SPINK13: variants seen among roughly 807,000 people sequenced by gnomAD.
SPINK13 encodes the protein serine peptidase inhibitor Kazal type 13.
In SPINK13, 11 loss-of-function variants were observed where a neutral mutation model predicts 11.0. The observed-to-expected ratio is 1.00, with a 90% confidence interval of 0.63 to 1.65. The LOEUF (loss-of-function observed/expected upper bound fraction) is 1.65. Among genes scored for constraint, SPINK13 ranks in the 40% most tolerant of loss-of-function variants. The pLI, the probability that SPINK13 is intolerant of heterozygous loss-of-function variation, is 0.00. For missense variants in SPINK13, 113 were observed against 117.7 expected (o/e 0.96, Z 0.19); for synonymous variants, 31 against 35.6 (o/e 0.87, Z 0.46).
At chr5:148,272,223 A>C (rs1237741940) in intron 2 of SPINK13, among the ~76,000 whole-genome samples, 2 of 152,176 alleles carry the variant, frequency 1.3e-5, no homozygotes, top group Non-Finnish European at 2.9e-5. Context: ...AGTTTCTCTT[A>C]GGTATATATC....
At chr5:148,280,211 C>G (rs1000613200) in intron 3 of SPINK13, among the ~76,000 whole-genome samples, 2 of 152,074 alleles carry the variant, frequency 1.3e-5, no homozygotes, top group Non-Finnish European at 2.9e-5. Flanking sequence ...TCTTAGCTTT[C>G]TTGCTTTGGG....
In SPINK13 at chr5:148,280,052, C is replaced by A. The variant is rs141812614; in HGVS notation, c.109-2052C>A. On this transcript the variant is annotated intron_variant, in intron 3 of 4. Coordinates refer to ENST00000398450, the MANE Select transcript of SPINK13 (RefSeq NM_001040129.3). ...TAAGTTGATCTTCAATCTCTGATATCCTTTCTTTTGCTTGATTGATTTGGC... is the reference window on the plus strand; with the variant it reads ...TAAGTTGATCTTCAATCTCTGATATACTTTCTTTTGCTTGATTGATTTGGC... Among the ~76,000 whole-genome samples the A allele has an allele frequency of 1.3e-4, 20 of 152,112 alleles. 1 individual carries two copies. In the East Asian group the frequency reaches 3.9e-3, roughly 30 times the overall value.
At chr5:148,277,257 A>G (rs571619499) in intron 3 of SPINK13, among the ~76,000 whole-genome samples, 3 of 152,300 alleles carry the variant, frequency 2.0e-5, no homozygotes, top group African/African-American at 7.2e-5. Flanking sequence ...TCCTATTTGA[A>G]TACACTTTAT....
intron 3 of SPINK13, among the ~76,000 whole-genome samples, chr5:148,278,012 G>C (rs1222910941): frequency 2.6e-5 from 4 of 152,188 alleles, no homozygotes; most frequent in Non-Finnish European, 5.9e-5. Context: ...GAGGACGTAT[G>C]TGTCCAGGAA....
In SPINK13 at chr5:148,270,080, C is replaced by A. The variant is rs766628917; in HGVS notation, c.8C>A (p.Ala3Asp). MA[A>D]FPHKIIFFLV... ...AGTCTTATATGAGATCAAATGGCTG[C>A]CTTTCCCCACAAGATTATATTTTTC... Residue 3 changes from alanine (A) to aspartate (D), a missense_variant, in exon 2 of 5, where the codon GCC becomes GAC. Physicochemically the swap from Ala to Asp is moderately radical, Grantham distance 126. Coordinates refer to ENST00000398450, the MANE Select transcript of SPINK13 (RefSeq NM_001040129.3). 6 of 1,613,996 alleles carry A rather than the reference C, an allele frequency of 3.7e-6. No homozygotes were observed. Among genetic ancestry groups the A allele is most frequent in the Non-Finnish European group, 4.2e-6 (5 of 1,179,926 alleles).
At chr5:148,278,974 T>C (rs1050270375) in intron 3 of SPINK13, among the ~76,000 whole-genome samples, 3 of 152,202 alleles carry the variant, frequency 2.0e-5, no homozygotes, top group Non-Finnish European at 4.4e-5. Context: ...ATATTTAGGA[T>C]AGTTAGCTCT....
At chr5:148,282,290 A>G in intron 4 of SPINK13, 59 bp downstream of exon 4, 1 of 1,598,530 alleles carries the variant, frequency 6.3e-7, no homozygotes, top group Admixed American at 1.7e-5. Context: ...GAAATTTCAA[A>G]GAAACATAGT....
At chr5:148,273,741 A>ATTCT (rs1180978755) in intron 2 of SPINK13, among the ~76,000 whole-genome samples, 1 of 152,254 alleles carries the variant, frequency 6.6e-6, no homozygotes, top group African/African-American at 2.4e-5. Context: ...ATGATATTTT[A>ATTCT]AATATCACTT....
intron 3 of SPINK13, among the ~76,000 whole-genome samples, chr5:148,277,624 G>A (rs567149186): frequency 6.6e-6 from 1 of 152,326 alleles, no homozygotes; most frequent in South Asian, 2.1e-4. Context: ...CAAGGATGAA[G>A]CCGACTTGAT....
At chr5:148,280,340 G>A (rs939751702) in intron 3 of SPINK13, among the ~76,000 whole-genome samples, 4 of 152,104 alleles carry the variant, frequency 2.6e-5, no homozygotes, top group African/African-American at 4.8e-5. Context: ...CCAAGGAGTT[G>A]TGATCCTTTG....
intron 4 of SPINK13, among the ~76,000 whole-genome samples, chr5:148,284,640 T>G (rs560950248): frequency 6.6e-4 from 101 of 152,308 alleles, no homozygotes; most frequent in Non-Finnish European, 1.1e-3. Flanking sequence ...AGAAGAATAG[T>G]CCTAATGCTC....
chr5:148,277,015 G>A (rs181038495), intron 3 of SPINK13, among the ~76,000 whole-genome samples: 307 of 152,164 alleles, frequency 2.0e-3, no homozygotes, highest in African/African-American at 7.1e-3. Context: ...TGTATTCCTA[G>A]GTATTTTATT....
At chr5:148,273,502 T>C (rs1450998153) in intron 2 of SPINK13, among the ~76,000 whole-genome samples, 1 of 152,198 alleles carries the variant, frequency 6.6e-6, no homozygotes, top group East Asian at 1.9e-4. Context: ...TTATTTTTCT[T>C]TTCTTATAAC....
intron 3 of SPINK13, among the ~76,000 whole-genome samples, chr5:148,275,897 G>A (rs1245508300): frequency 2.6e-5 from 4 of 151,880 alleles, no homozygotes; most frequent in African/African-American, 7.3e-5. Flanking sequence ...TCCTGACCTC[G>A]TGGTCTGCCC....
At chr5:148,277,724 G>A (rs1402187569) in intron 3 of SPINK13, among the ~76,000 whole-genome samples, 2 of 152,096 alleles carry the variant, frequency 1.3e-5, no homozygotes, top group Non-Finnish European at 2.9e-5. Context: ...CAGGGATCTT[G>A]GTGTGAAATT....
chr5:148,281,866 T>A (rs1756521252), intron 3 of SPINK13, among the ~76,000 whole-genome samples: 1 of 152,092 alleles, frequency 6.6e-6, no homozygotes, highest in African/African-American at 2.4e-5. Context: ...AACTGAAACA[T>A]GAAGGTTAAA....
chr5:148,285,858 GA>G (rs377666874), intron 4 of SPINK13, 141 bp from the exon 5 acceptor site: 22,409 of 378,490 alleles, frequency 0.059, 475 homozygotes, highest in African/African-American at 0.15. Context: ...AAACAAAAAT[GA>G]AAAAAAAAAA....
chr5:148,273,947 G>A (rs116164960), intron 2 of SPINK13, among the ~76,000 whole-genome samples: 4,088 of 152,126 alleles, frequency 0.027, 71 homozygotes, highest in South Asian at 0.075. Context: ...TCAGCATCTT[G>A]GTAGGAACTG....
intron 3 of SPINK13, among the ~76,000 whole-genome samples, chr5:148,280,269 C>T (rs980455645): frequency 6.6e-6 from 1 of 152,126 alleles, no homozygotes; most frequent in Middle Eastern, 3.2e-3. Context: ...TACCCACCTT[C>T]TGAAGCCTAC....
Sources: allele counts gnomAD v4.1 joint callset (sites outside exome capture counted in the v4.1 genomes callset), GRCh38; gene constraint gnomAD v4.1.1; transcripts MANE v1.5; gene names NCBI Gene and HGNC (gene_info 2026-07-23, HGNC 2026-07-21).